IL19: variants seen among roughly 807,000 people sequenced by gnomAD.
IL19 encodes the protein interleukin 19.
IL19 carries 15 observed loss-of-function variants against 19.5 expected under a neutral mutation model. That is an observed-to-expected ratio of 0.77 (90% confidence interval 0.52 to 1.19). IL19 has a LOEUF of 1.19. Among genes scored for constraint, IL19 ranks in the 50% most tolerant of loss-of-function variants. The pLI is 0.00. For synonymous variants in IL19, 78 were observed against 78.3 expected, an observed-to-expected ratio of 1.00 and a Z score of 0.02; for missense variants, 199 against 213.1, an observed-to-expected ratio of 0.93 and a Z score of 0.41.
chr1:206,842,352 A>T (rs1258527080), intron 6 of IL19, among the ~76,000 whole-genome samples, 175 bp from the exon 7 acceptor site: 2 of 152,218 alleles, frequency 1.3e-5, no homozygotes, highest in Non-Finnish European at 2.9e-5. Context: ...TGGGGAAAAA[A>T]ATTGGTTGCC....
At chr1:206,820,467 T>C (rs1292778347) in intron 2 of IL19, among the ~76,000 whole-genome samples, 1 of 152,196 alleles carries the variant, frequency 6.6e-6, no homozygotes, top group Non-Finnish European at 1.5e-5. Context: ...AAACAATGTT[T>C]GCTTCTAACC....
chr1:206,836,630 C>T, intron 2 of IL19, 31 bp from the exon 3 acceptor site: 2 of 1,576,614 alleles, frequency 1.3e-6, no homozygotes, highest in Middle Eastern at 1.7e-4. Flanking sequence ...CCACTCTTGG[C>T]TGGACAGCTG....
chr1:206,794,209 T>C (rs1675468814), intron 1 of IL19, among the ~76,000 whole-genome samples: 1 of 152,194 alleles, frequency 6.6e-6, no homozygotes, highest in South Asian at 2.1e-4. Context: ...TATGAACCTT[T>C]CAGTTTCCCC....
At position 206,839,194 on chromosome 1, in the gene IL19, G is replaced by C. The variant is rs140106079; in HGVS notation, c.211-656G>C. Reference sequence around the variant, plus strand: ...TCTTTGGGACATCTGCACTCTGCAGGCTGCAGACCTACCCAAATATGCCCA... The same window carrying C: ...TCTTTGGGACATCTGCACTCTGCAGCCTGCAGACCTACCCAAATATGCCCA... On this transcript the variant is annotated intron_variant, in intron 4 of 6. Transcript: ENST00000659997. Among the ~76,000 whole-genome samples the C allele has an allele frequency of 4.6e-5, 7 of 152,330 alleles. No individual in the cohort carries two copies. In the East Asian group the frequency reaches 1.3e-3, roughly 29 times the overall value.
intron 5 of IL19, 148 bp from the exon 6 acceptor site, chr1:206,840,856 C>A (rs1676991219): frequency 1.5e-6 from 1 of 673,276 alleles, no homozygotes; most frequent in South Asian, 1.7e-5. Flanking sequence ...AAGCTCTATT[C>A]TTCCGTGGCT....
At chr1:206,842,110 T>C (rs1463449467) in intron 6 of IL19, among the ~76,000 whole-genome samples, 1 of 152,164 alleles carries the variant, frequency 6.6e-6, no homozygotes, top group African/African-American at 2.4e-5. Context: ...ATATGTCAAA[T>C]GAGGACAACA....
chr1:206,826,422 G>T (rs576719876), intron 2 of IL19, among the ~76,000 whole-genome samples: 1 of 152,194 alleles, frequency 6.6e-6, no homozygotes, highest in East Asian at 1.9e-4. Context: ...GATGGTAGTA[G>T]GGGAGAGGGC....
chr1:206,782,691 G>A (rs1335585773), intron 1 of IL19, among the ~76,000 whole-genome samples: 1 of 152,200 alleles, frequency 6.6e-6, no homozygotes, highest in Non-Finnish European at 1.5e-5. Context: ...GAGTTCTGGG[G>A]TTGATTTGCC....
At chr1:206,786,045 G>C (rs1187720252) in intron 1 of IL19, among the ~76,000 whole-genome samples, 1 of 152,036 alleles carries the variant, frequency 6.6e-6, no homozygotes, top group African/African-American at 2.4e-5. Context: ...AGGGATATAG[G>C]ACATCCTTAG....
intron 1 of IL19, among the ~76,000 whole-genome samples, chr1:206,795,391 T>C (rs771122579): frequency 2.0e-5 from 3 of 152,202 alleles, no homozygotes; most frequent in Admixed American, 6.5e-5. Flanking sequence ...CTGGATGGTG[T>C]TTGGTCAGGG....
chr1:206,804,741 C>T (rs908493645), intron 2 of IL19, among the ~76,000 whole-genome samples: 6 of 152,168 alleles, frequency 3.9e-5, no homozygotes, highest in Admixed American at 1.3e-4. Context: ...AACTGCTTTC[C>T]GCACCTTTGT....
At chr1:206,807,765 T>C (rs1317295269) in intron 2 of IL19, among the ~76,000 whole-genome samples, 3 of 152,244 alleles carry the variant, frequency 2.0e-5, no homozygotes, top group Middle Eastern at 6.3e-3. Context: ...TCCCAGGTCT[T>C]AGCACTGTGT....
At chr1:206,838,939 G>C (rs984732728) in intron 4 of IL19, among the ~76,000 whole-genome samples, 4 of 152,198 alleles carry the variant, frequency 2.6e-5, no homozygotes, top group Admixed American at 6.5e-5. Flanking sequence ...AGTGAAGGAA[G>C]AGAAGGGTTT....
In IL19 at chr1:206,772,564, A is replaced by G; in HGVS notation, c.-149+1486A>G. ...AGGCCTCTTCATTCATTAAAAAGCC[A>G]CAATCAAGGTTTCCCGGCACAGGAT... On this transcript the variant is annotated intron_variant, in intron 1 of 6. Coordinates refer to ENST00000659997, the MANE Select transcript of IL19 (RefSeq NM_153758.5). The G allele has an allele frequency of 3.6e-6, 3 of 839,156 alleles. No individual in the cohort carries two copies. In the East Asian group the frequency reaches 7.9e-5, roughly 22 times the overall value. 52.0% of individuals were successfully genotyped at this position (839,156 alleles called of 1,614,324 possible). A position where few individuals can be genotyped will look rare whatever the true frequency, so the allele number is the denominator to read the frequency against.
At chr1:206,788,526 CT>C (rs34357557) in intron 1 of IL19, among the ~76,000 whole-genome samples, 1 of 149,746 alleles carries the variant, frequency 6.7e-6, no homozygotes, top group African/African-American at 2.4e-5. Flanking sequence ...TAATAATTAA[CT>C]TTTTTTTTTT....
chr1:206,788,040 C>T (rs2102452547), intron 1 of IL19, among the ~76,000 whole-genome samples: 1 of 152,284 alleles, frequency 6.6e-6, no homozygotes, highest in East Asian at 1.9e-4. Context: ...ACCCTGTGGA[C>T]CTTCCTTCCT....
intron 1 of IL19, among the ~76,000 whole-genome samples, chr1:206,797,128 G>T (rs1402228716): frequency 6.6e-6 from 1 of 152,202 alleles, no homozygotes; most frequent in African/African-American, 2.4e-5. Flanking sequence ...TTTGCTGCGG[G>T]ACAGGATGTG....
In IL19 at chr1:206,833,208, G is replaced by T. The variant is rs993119504; in HGVS notation, c.-2-3453G>T. On this transcript the variant is annotated intron_variant, in intron 2 of 6. Transcript: ENST00000659997. ...AAAAATAGAATGAGTGGTCCCATGA[G>T]CTGACAGAGGAGAGTGGTTTTGTGG... Among the ~76,000 whole-genome samples the T allele has an allele frequency of 2.0e-5, 3 of 152,246 alleles. 1 individual carries two copies. The highest frequency in any genetic ancestry group is 4.4e-5 in the Non-Finnish European group (3 of 68,048).
At chr1:206,809,822 T>G (rs894217435) in intron 2 of IL19, among the ~76,000 whole-genome samples, 2 of 152,222 alleles carry the variant, frequency 1.3e-5, no homozygotes, top group Non-Finnish European at 2.9e-5. Context: ...GTCCTTCATT[T>G]ATAATGAGTC....
Sources: gnomAD v4.1 joint callset for allele counts (sites outside exome capture counted in the v4.1 genomes callset) on GRCh38, gnomAD v4.1.1 for gene constraint, MANE v1.5 for transcripts, NCBI Gene and HGNC (gene_info 2026-07-23, HGNC 2026-07-21) for gene names.